The following HPS5 variants were observed in gnomAD, a reference collection of about 807,000 sequenced individuals.
HPS5 encodes BLOC-2 complex member HPS5.
In HPS5, 83 loss-of-function variants were observed where a neutral mutation model predicts 128.0. The observed-to-expected ratio is 0.65, with a 90% CI of 0.54 to 0.78. The LOEUF is 0.78. Among genes scored for constraint, HPS5 ranks in the 30% least tolerant of loss-of-function variants. The probability of loss-of-function intolerance (pLI) is 0.00; values close to 1 mark genes in which losing one functional copy is unlikely to be tolerated. For missense variants in HPS5, 1,281 were observed against 1,326.2 expected, an observed-to-expected ratio of 0.97 and a Z score of 0.53; for synonymous variants, 475 against 470.2, an observed-to-expected ratio of 1.01 and a Z score of -0.13.
chr11:18,290,715 G>T (rs1011803733), intron 16 of HPS5, among the ~76,000 whole-genome samples: 2 of 151,868 alleles, frequency 1.3e-5, no homozygotes, highest in African/African-American at 4.8e-5. Flanking sequence ...TTGAGGTCAG[G>T]ATTTCAAGAC....
intron 8 of HPS5, among the ~76,000 whole-genome samples, chr11:18,303,990 C>T (rs369230108): frequency 3.3e-4 from 50 of 151,920 alleles, no homozygotes; most frequent in Admixed American, 9.8e-4. Context: ...GTCAACAAAA[C>T]AGAAATAAAG....
At chr11:18,318,049 C>T (rs769696190) in intron 1 of HPS5, 142 bp from the exon 2 acceptor site, 36 of 640,088 alleles carry the variant, frequency 5.6e-5, no homozygotes, top group Non-Finnish European at 9.7e-5. Flanking sequence ...AAGGTAACAT[C>T]GTATGCCACA....
chr11:18,297,980 T>C lies in HPS5; in HGVS notation c.1165-263A>G, dbSNP rs187451449. ...CTGTAATCCCAGCTACTCGGGAGGC[T>C]GAGGCAGGAGAATCATTTGAACCTG... On this transcript the variant is annotated intron_variant, in intron 10 of 22. Transcript: ENST00000349215. Among the ~76,000 whole-genome samples the C allele has an allele frequency of 1.5e-3, 233 of 150,858 alleles. 1 individual carries two copies. Among genetic ancestry groups the C allele is most frequent in the Non-Finnish European group, 2.7e-3 (180 of 67,858 alleles).
chr11:18,307,143 G>A (rs1862470209), intron 6 of HPS5, among the ~76,000 whole-genome samples: 2 of 152,184 alleles, frequency 1.3e-5, no homozygotes. Flanking sequence ...CAAGGCAAAG[G>A]ACAATTCTTA....
chr11:18,305,435 G>T lies in HPS5; in HGVS notation c.883C>A (p.Leu295Ile). The change falls in exon 8 of 23, where the codon CTC (leucine) becomes ATC (isoleucine). Residue 295 changes from leucine (L) to isoleucine (I), a missense_variant. Coordinates refer to ENST00000349215, the MANE Select transcript of HPS5 (RefSeq NM_181507.2). The stretch of plus-strand genomic sequence containing the variant: ...GTAGAAACTTACCTAAGATGTAAGA[G>T]TTTGGGGAAAGACAAAGACTGGGAG... ...GSSQSLSFPKLLHLSEHCVLT... is the reference protein window; with the variant it reads ...GSSQSLSFPKILHLSEHCVLT... 1.2e-6 allele frequency: 2 copies of T among 1,606,376 alleles called. No homozygotes were observed. The highest frequency in any genetic ancestry group is 8.5e-7 in the Non-Finnish European group (1 of 1,173,216).
At chr11:18,282,336 C>G (rs563525004) in intron 21 of HPS5, 116 bp from the exon 22 acceptor site, 1 of 1,128,050 alleles carries the variant, frequency 8.9e-7, no homozygotes, top group South Asian at 1.3e-5. Context: ...TTCAAGAACA[C>G]AATCTCATCA....
At chr11:18,320,958 T>C (rs1864246180) in intron 1 of HPS5, among the ~76,000 whole-genome samples, 1 of 152,198 alleles carries the variant, frequency 6.6e-6, no homozygotes, top group African/African-American at 2.4e-5. Context: ...CTACATACAG[T>C]AGAACTGAGC....
chr11:18,292,546 A>G (rs1860541612), intron 15 of HPS5, among the ~76,000 whole-genome samples: 1 of 152,208 alleles, frequency 6.6e-6, no homozygotes, highest in Admixed American at 6.5e-5. Context: ...AAACTGTCTC[A>G]GGACCACTAC....
intron 20 of HPS5, among the ~76,000 whole-genome samples, 169 bp downstream of exon 20, chr11:18,285,177 A>C (rs1034755114): frequency 5.9e-5 from 9 of 152,008 alleles, no homozygotes; most frequent in Admixed American, 5.9e-4. Flanking sequence ...CAAGAAATTT[A>C]AATGGAAAAA....
chr11:18,292,838 A>C, intron 15 of HPS5, 61 bp downstream of exon 15: 1 of 1,203,086 alleles, frequency 8.3e-7, no homozygotes, highest in South Asian at 1.2e-5. Context: ...CAATATAATG[A>C]TTCACTTCGT....
intron 14 of HPS5, 61 bp from the exon 15 acceptor site, chr11:18,293,037 T>TTG: frequency 3.7e-6 from 5 of 1,347,988 alleles, no homozygotes; most frequent in Non-Finnish European, 5.3e-6. Context: ...CAGAGCTTTT[T>TTG]TTGAGACAGG....
intron 14 of HPS5, among the ~76,000 whole-genome samples, chr11:18,294,566 G>A (rs1201279386): frequency 6.6e-6 from 1 of 152,100 alleles, no homozygotes; most frequent in Non-Finnish European, 1.5e-5. Flanking sequence ...GTTATGCAGG[G>A]GAAAGATGGA....
chr11:18,316,367 T>C (rs1300152965), intron 2 of HPS5, among the ~76,000 whole-genome samples: 1 of 152,218 alleles, frequency 6.6e-6, no homozygotes, highest in Non-Finnish European at 1.5e-5. Context: ...TTATTTTTAG[T>C]AGCTGATTTT....
chr11:18,281,563 C>G (rs1858967210), intron 22 of HPS5, among the ~76,000 whole-genome samples: 1 of 94,264 alleles, frequency 1.1e-5, no homozygotes, highest in Non-Finnish European at 2.1e-5. Flanking sequence ...CCACACCCAG[C>G]TAATTTTTGT....
rs2134423916 is a variant in HPS5, at chr11:18,305,502, T to C, written c.825-9A>G. The stretch of plus-strand genomic sequence containing the variant: ...CATACTGAGGTTCTGATCTAGAAAG[T>C]AAACACATCTGTTAATGAGTTTATC... On this transcript the variant is annotated splice_polypyrimidine_tract_variant and intron_variant, in intron 7 of 22. Transcript: ENST00000349215. 1 of 1,571,696 alleles carries C rather than the reference T, an allele frequency of 6.4e-7. No homozygotes were observed. Among genetic ancestry groups the C allele is most frequent in the East Asian group, 2.2e-5 (1 of 44,584 alleles).
intron 7 of HPS5, 30 bp downstream of exon 7, chr11:18,306,105 A>G (rs1564966986): frequency 6.8e-7 from 1 of 1,461,466 alleles, no homozygotes; most frequent in Non-Finnish European, 9.6e-7. Flanking sequence ...AGCTCTTCAA[A>G]CAATCCCAAC....
In HPS5 at chr11:18,279,789, G is replaced by T; in HGVS notation, c.*93C>A. On this transcript the variant is annotated 3_prime_UTR_variant, in exon 23 of 23. Transcript: ENST00000349215. ...TAAGATGGCAGGATTTGGGGGTGGT[G>T]TCTTTCCTTCAATAACAAATGCGTT... 1 of 1,244,770 alleles carries T rather than the reference G, an allele frequency of 8.0e-7. No individual in the cohort carries two copies. The highest frequency in any genetic ancestry group is 1.2e-6 in the Non-Finnish European group (1 of 852,528). The allele number at this position is 1,244,770 out of a possible 1,614,324, so 77.1% of individuals were successfully genotyped here.
chr11:18,280,563 T>A (rs1294731148), intron 22 of HPS5: 2 of 700,392 alleles, frequency 2.9e-6, no homozygotes, highest in South Asian at 3.0e-5. Flanking sequence ...CTGAAAGCAG[T>A]GTCTGGAAGA....
intron 2 of HPS5, chr11:18,314,473 G>C (rs1863380122): frequency 6.6e-6 from 1 of 152,240 alleles, no homozygotes; most frequent in Non-Finnish European, 1.5e-5. Flanking sequence ...AGTTTGCAGA[G>C]AGCTGAGATG....
Sources: gnomAD v4.1 joint callset for allele counts (sites outside exome capture counted in the v4.1 genomes callset) on GRCh38, gnomAD v4.1.1 for gene constraint, MANE v1.5 for transcripts, NCBI Gene and HGNC (gene_info 2026-07-23, HGNC 2026-07-21) for gene names.